The following DMD variants were observed in gnomAD, a reference collection of about 807,000 sequenced individuals.
DMD encodes the protein mutant dystrophin.
A neutral mutation model predicts 330.1 loss-of-function variants in DMD; 63 were observed. That is an observed-to-expected ratio of 0.19 (90% CI 0.16 to 0.24). DMD has a LOEUF of 0.24. Ranked by LOEUF, DMD falls within the 10% of genes least tolerant of loss-of-function variation. The pLI is 1.00. For synonymous variants in DMD, 1,223 were observed against 959.8 expected, an observed-to-expected ratio of 1.27 and a Z score of -5.07; for missense variants, 3,344 against 2,684.1, an observed-to-expected ratio of 1.25 and a Z score of -5.43.
At chrX:32,418,664 G>A (rs1007961343) in intron 29 of DMD, among the ~76,000 whole-genome samples, 1 of 110,816 alleles carries the variant, frequency 9.0e-6, no homozygotes, top group African/African-American at 3.3e-5. Context: ...ATTATTTAAG[G>A]ACCACTAAGA....
intron 55 of DMD, among the ~76,000 whole-genome samples, chrX:31,543,618 T>G (rs1413430762): frequency 1.8e-5 from 2 of 112,587 alleles, no homozygotes; most frequent in Non-Finnish European, 3.7e-5. Flanking sequence ...ATAGTCCATT[T>G]GGTGGATGTT....
chrX:32,959,322 A>C (rs754407074), intron 2 of DMD, among the ~76,000 whole-genome samples: 66 of 111,480 alleles, frequency 5.9e-4, no homozygotes, highest in African/African-American at 2.0e-3. Flanking sequence ...AACTCTTAAT[A>C]GCTACATTCT....
In DMD at chrX:32,419,422, A is replaced by G. The variant is rs750256133; in HGVS notation, c.4072-7509T>C. On this transcript the variant is annotated intron_variant, in intron 29 of 78. Coordinates refer to ENST00000357033, the MANE Select transcript of DMD (RefSeq NM_004006.3). Reference sequence around the variant, plus strand: ...AGTAAATTAAAACCATGTTGCTTTAACCCACTTTAAATATAACTCTTGTGA... The same window carrying G: ...AGTAAATTAAAACCATGTTGCTTTAGCCCACTTTAAATATAACTCTTGTGA... Among the ~76,000 whole-genome samples the G allele has an allele frequency of 2.7e-5, 3 of 112,175 alleles. No individual in the cohort carries two copies. The East Asian group carries it at 8.4e-4, about 31-fold the overall frequency.
At chrX:33,207,891 T>C (rs1220578682) in intron 1 of DMD, among the ~76,000 whole-genome samples, 2 of 111,437 alleles carry the variant, frequency 1.8e-5, no homozygotes, top group Admixed American at 9.6e-5. Flanking sequence ...AAACGTTTAT[T>C]TCCCACACTG....
intron 60 of DMD, among the ~76,000 whole-genome samples, chrX:31,350,632 TGAGAGAGA>T (rs372820688): frequency 0.012 from 812 of 66,663 alleles, 3 homozygotes; most frequent in East Asian, 0.017. Flanking sequence ...TGTGTGTGTG[TGAGAGAGA>T]GAGAGAGAGA....
intron 9 of DMD, among the ~76,000 whole-genome samples, chrX:32,663,860 T>C (rs760962174): frequency 7.2e-5 from 8 of 111,373 alleles, no homozygotes; most frequent in African/African-American, 2.6e-4. Context: ...GTGGAGGAAA[T>C]GTGTTCCAGG....
intron 41 of DMD, among the ~76,000 whole-genome samples, chrX:32,340,987 T>C (rs938937910): frequency 8.9e-6 from 1 of 112,030 alleles, no homozygotes; most frequent in African/African-American, 3.2e-5. Flanking sequence ...TCTTGAAGTA[T>C]TAAAAGAAGT....
At chrX:32,332,982 G>A (rs1008918719) in intron 41 of DMD, among the ~76,000 whole-genome samples, 1 of 110,940 alleles carries the variant, frequency 9.0e-6, no homozygotes, top group African/African-American at 3.3e-5. Context: ...AAGTGCCCAA[G>A]GACTGAGCAC....
At chrX:31,564,310 C>T (rs1018427536) in intron 55 of DMD, among the ~76,000 whole-genome samples, 3 of 111,635 alleles carry the variant, frequency 2.7e-5, no homozygotes, top group African/African-American at 9.8e-5. Context: ...GGAAAATGTC[C>T]AAGAAACATT....
At chrX:33,122,124 G>A (rs1258323857) in intron 1 of DMD, among the ~76,000 whole-genome samples, 1 of 111,883 alleles carries the variant, frequency 8.9e-6, no homozygotes, top group Non-Finnish European at 1.9e-5. Flanking sequence ...TACTGAGGAG[G>A]CTCAGGCAGG....
rs775511776 is a variant in DMD at position 32,931,571 on chromosome X, A to C, written c.94-81751T>G. ...TATGGCTAAGGTCAGTGAGAGATTCAAACAAACGTATAAGCATATAAGTGT... is the reference window on the plus strand; with the variant it reads ...TATGGCTAAGGTCAGTGAGAGATTCCAACAAACGTATAAGCATATAAGTGT... On this transcript the variant is annotated intron_variant, in intron 2 of 78. Coordinates refer to ENST00000357033, the MANE Select transcript of DMD (RefSeq NM_004006.3). Among the ~76,000 whole-genome samples, 12 of 111,802 alleles carry C rather than the reference A, an allele frequency of 1.1e-4. No homozygotes were observed. The East Asian group carries it at 3.4e-3, about 31-fold the overall frequency.
intron 19 of DMD, among the ~76,000 whole-genome samples, chrX:32,497,563 T>C (rs1285478468): frequency 8.9e-6 from 1 of 112,119 alleles, no homozygotes; most frequent in African/African-American, 3.2e-5. Flanking sequence ...TACGCCTACA[T>C]ATGTTTTCAA....
At chrX:32,790,056 C>G (rs1161975333) in intron 7 of DMD, among the ~76,000 whole-genome samples, 1 of 111,553 alleles carries the variant, frequency 9.0e-6, no homozygotes, top group African/African-American at 3.3e-5. Flanking sequence ...ATCATATGAT[C>G]CACTAACTCC....
At chrX:31,933,211 T>C (rs778888988) in intron 45 of DMD, among the ~76,000 whole-genome samples, 1 of 112,626 alleles carries the variant, frequency 8.9e-6, no homozygotes, top group East Asian at 2.8e-4. Flanking sequence ...CTGCTTCTTA[T>C]TCTGTGGGTC....
intron 49 of DMD, among the ~76,000 whole-genome samples, chrX:31,835,474 C>T (rs964897923): frequency 8.9e-6 from 1 of 111,828 alleles, no homozygotes; most frequent in African/African-American, 3.3e-5. Context: ...ATACTGAGCA[C>T]ATTGTTAGCT....
At chrX:32,711,904 C>T (rs1041241093) in intron 7 of DMD, among the ~76,000 whole-genome samples, 1 of 111,739 alleles carries the variant, frequency 8.9e-6, no homozygotes, top group Non-Finnish European at 1.9e-5. Flanking sequence ...TTAGCTTTAC[C>T]ACTCACTGGT....
intron 60 of DMD, among the ~76,000 whole-genome samples, chrX:31,371,005 T>C (rs1400039411): frequency 2.7e-5 from 3 of 111,606 alleles, no homozygotes; most frequent in East Asian, 5.6e-4. Flanking sequence ...AGACTAGTAG[T>C]TGCTGGAAGT....
intron 53 of DMD, 74 bp downstream of exon 53, chrX:31,679,301 A>T: frequency 2.2e-6 from 2 of 910,011 alleles, no homozygotes; most frequent in Non-Finnish European, 1.5e-6. Context: ...AAACATCATT[A>T]AATTACAATC....
At chrX:32,170,300 G>A (rs1427197420) in intron 44 of DMD, among the ~76,000 whole-genome samples, 3 of 108,911 alleles carry the variant, frequency 2.8e-5, no homozygotes, top group Non-Finnish European at 3.8e-5. Context: ...GTGAAACCCC[G>A]TTTCTACCAA....
Sources: allele counts gnomAD v4.1 joint callset (sites outside exome capture counted in the v4.1 genomes callset), GRCh38; gene constraint gnomAD v4.1.1; transcripts MANE v1.5; gene names NCBI Gene and HGNC (gene_info 2026-07-23, HGNC 2026-07-21).